Variants in THSD4 observed in about 807,000 individuals in gnomAD.
THSD4 encodes thrombospondin type-1 domain-containing protein 4.
THSD4 carries 69 observed loss-of-function variants against 119.0 expected under a neutral mutation model. That is an observed-to-expected ratio of 0.58 (90% CI 0.48 to 0.71). The LOEUF (loss-of-function observed/expected upper bound fraction) is 0.71. Among genes scored for constraint, THSD4 ranks in the 30% least tolerant of loss-of-function variants. THSD4 has a pLI of 0.00. For missense variants in THSD4, 1,393 were observed against 1,391.1 expected, an observed-to-expected ratio of 1.00 and a Z score of -0.02; for synonymous variants, 524 against 540.4, an observed-to-expected ratio of 0.97 and a Z score of 0.42.
At chr15:71,757,372 G>C (rs1034812244) in intron 14 of THSD4, among the ~76,000 whole-genome samples, 62 of 152,092 alleles carry the variant, frequency 4.1e-4, no homozygotes, top group African/African-American at 1.4e-3. Context: ...CTAGCAGGTA[G>C]AAATATGCCC....
chr15:71,312,997 G>A (rs12901296), intron 6 of THSD4, among the ~76,000 whole-genome samples: 93,262 of 152,000 alleles, frequency 0.61, 29,314 homozygotes, highest in East Asian at 0.74. Context: ...TCACTGCCAC[G>A]TCTTCACTCG....
At chr15:71,278,281 G>A (rs116036548) in intron 6 of THSD4, among the ~76,000 whole-genome samples, 1,958 of 152,194 alleles carry the variant, frequency 0.013, 43 homozygotes, top group African/African-American at 0.044. Flanking sequence ...TTGTAGCCCT[G>A]ATCTCCCTGG....
intron 1 of THSD4, among the ~76,000 whole-genome samples, chr15:71,106,192 A>C (rs1325751828): frequency 1.3e-5 from 2 of 152,194 alleles, no homozygotes; most frequent in East Asian, 3.8e-4. Context: ...TGGTGAGAGA[A>C]GAGGGCCAGG....
At chr15:71,355,727 G>T (rs980350366) in intron 6 of THSD4, among the ~76,000 whole-genome samples, 2 of 152,116 alleles carry the variant, frequency 1.3e-5, no homozygotes, top group Non-Finnish European at 2.9e-5. Flanking sequence ...GGATGCAAGG[G>T]GCCCAAAGAG....
At chr15:71,633,278 T>C (rs1279106193) in intron 7 of THSD4, among the ~76,000 whole-genome samples, 1 of 142,448 alleles carries the variant, frequency 7.0e-6, no homozygotes, top group Non-Finnish European at 1.5e-5. Flanking sequence ...TCTTTTTTTT[T>C]TTTTTTTTTT....
At chr15:71,529,992 C>T (rs530132441) in intron 7 of THSD4, among the ~76,000 whole-genome samples, 1 of 152,286 alleles carries the variant, frequency 6.6e-6, no homozygotes, top group East Asian at 1.9e-4. Context: ...GGCTGCTTAT[C>T]CCAACATGGA....
intron 7 of THSD4, among the ~76,000 whole-genome samples, chr15:71,561,911 C>A (rs1007513563): frequency 0.036 from 1,423 of 39,386 alleles, 15 homozygotes; most frequent in African/African-American, 0.16. Flanking sequence ...CACACACACA[C>A]ACACACACAA....
chr15:71,378,792 TTATTTTTTTGA>T (rs939613914), intron 6 of THSD4, among the ~76,000 whole-genome samples: 1 of 152,180 alleles, frequency 6.6e-6, no homozygotes, highest in Non-Finnish European at 1.5e-5. Flanking sequence ...TTGTTTTTTG[TTATTTTTTTGA>T]GGCAGGGTCT....
At chr15:71,376,379 T>C (rs1014606233) in intron 6 of THSD4, among the ~76,000 whole-genome samples, 1 of 152,172 alleles carries the variant, frequency 6.6e-6, no homozygotes, top group Non-Finnish European at 1.5e-5. Context: ...GTTCTTACCA[T>C]GATTGAGTCT....
At position 71,215,178 on chromosome 15, in the gene THSD4, G is replaced by A. The variant is rs745881439; in HGVS notation, c.243G>A (p.Leu81=). The change falls in exon 4 of 18, where the codon CTG becomes CTA. Residue 81 remains leucine, a synonymous_variant. Coordinates refer to ENST00000261862, the MANE Select transcript of THSD4 (RefSeq NM_024817.3). ...GGVMEQTRPC[L]PRSYRLRGGQ... Reference sequence around the variant, plus strand: ...TGATGGAGCAGACGCGGCCCTGCCTGCCCCGCTCCTACCGCCTGCGCGGCG... The same window carrying A: ...TGATGGAGCAGACGCGGCCCTGCCTACCCCGCTCCTACCGCCTGCGCGGCG... 5.8e-6 allele frequency: 8 copies of A among 1,371,468 alleles called. No homozygotes were observed. In the South Asian group the frequency reaches 9.8e-5, roughly 17 times the overall value. 85.0% of individuals were successfully genotyped at this position (1,371,468 alleles called of 1,614,324 possible).
rs192670537 is a variant in THSD4 at position 71,675,482 on chromosome 15, C to T, written c.1357+14748C>T. On this transcript the variant is annotated intron_variant, in intron 8 of 17. Transcript: ENST00000261862. ...CACACCATGAGCCAGGAACTGTGCT[C>T]AGTGGTGTGGATACAGAAATAAAGG... 6.1e-4 allele frequency among the ~76,000 whole-genome samples: 93 copies of T among 152,304 alleles called. 1 individual carries two copies. The Middle Eastern group carries it at 0.017, about 28-fold the overall frequency.
intron 7 of THSD4, among the ~76,000 whole-genome samples, chr15:71,595,215 C>T (rs1202986542): frequency 6.6e-6 from 1 of 152,194 alleles, no homozygotes; most frequent in Non-Finnish European, 1.5e-5. Context: ...AAGTCAGACA[C>T]TGTGAATCCT....
At chr15:71,222,647 G>C (rs2043984137) in intron 4 of THSD4, among the ~76,000 whole-genome samples, 1 of 152,156 alleles carries the variant, frequency 6.6e-6, no homozygotes, top group South Asian at 2.1e-4. Context: ...GGGCTTCCCA[G>C]AACTTCCCAG....
intron 6 of THSD4, among the ~76,000 whole-genome samples, chr15:71,294,370 A>G (rs780426341): frequency 6.6e-6 from 1 of 152,086 alleles, no homozygotes; most frequent in African/African-American, 2.4e-5. Context: ...AAGCAAACAA[A>G]ATGTGACCCA....
chr15:71,737,625 A>C, intron 10 of THSD4, 107 bp from the exon 11 acceptor site: 1 of 1,419,304 alleles, frequency 7.0e-7, no homozygotes, highest in Non-Finnish European at 9.3e-7. Context: ...GCTGTGACTT[A>C]GAAACGATCT....
chr15:71,147,363 C>T (rs2040672911), intron 2 of THSD4, among the ~76,000 whole-genome samples: 1 of 152,062 alleles, frequency 6.6e-6, no homozygotes, highest in Non-Finnish European at 1.5e-5. Context: ...TGCCACCAGG[C>T]CCAGCTCACT....
intron 7 of THSD4, among the ~76,000 whole-genome samples, chr15:71,580,414 T>C: frequency 6.6e-6 from 1 of 152,212 alleles, no homozygotes. Flanking sequence ...TTGATATATA[T>C]ATACATTGTA....
intron 7 of THSD4, among the ~76,000 whole-genome samples, chr15:71,585,840 A>G (rs910998629): frequency 3.3e-5 from 5 of 151,944 alleles, no homozygotes; most frequent in Admixed American, 2.6e-4. Context: ...GAGCTTACCA[A>G]TTCTTTCTTC....
intron 7 of THSD4, among the ~76,000 whole-genome samples, chr15:71,510,959 A>G (rs182945968): frequency 1.4e-3 from 205 of 151,538 alleles, no homozygotes; most frequent in African/African-American, 4.8e-3. Flanking sequence ...GAGAGGATGG[A>G]TGACCTCACG....
Sources: allele counts gnomAD v4.1 joint callset (sites outside exome capture counted in the v4.1 genomes callset), GRCh38; gene constraint gnomAD v4.1.1; transcripts MANE v1.5; gene names NCBI Gene and HGNC (gene_info 2026-07-23, HGNC 2026-07-21).